The following IKZF3 variants were observed in gnomAD, a reference collection of about 807,000 sequenced individuals.
The protein encoded by IKZF3 is IKAROS family zinc finger 3, also known as zinc finger protein Aiolos.
A neutral mutation model predicts 49.0 loss-of-function variants in IKZF3; 10 were observed. The ratio of observed to expected loss-of-function variants is 0.20; its 90% confidence interval spans 0.13 to 0.35. The LOEUF (loss-of-function observed/expected upper bound fraction) is 0.35. Among genes scored for constraint, IKZF3 ranks in the 10% least tolerant of loss-of-function variants. The probability of loss-of-function intolerance (pLI) is 1.00; values close to 1 mark genes in which losing one functional copy is unlikely to be tolerated. For synonymous variants in IKZF3, 209 were observed against 228.2 expected, an observed-to-expected ratio of 0.92 and a Z score of 0.76; for missense variants, 498 against 664.8, an observed-to-expected ratio of 0.75 and a Z score of 2.76.
chr17:39,813,329 A>T (rs2061605242), intron 3 of IKZF3, among the ~76,000 whole-genome samples: 1 of 151,540 alleles, frequency 6.6e-6, no homozygotes, highest in Non-Finnish European at 1.5e-5. Flanking sequence ...AAGAAAAGAA[A>T]ATCCAGAGAT....
intron 1 of IKZF3, among the ~76,000 whole-genome samples, chr17:39,845,214 G>T (rs1457467863): frequency 6.6e-6 from 1 of 152,110 alleles, no homozygotes; most frequent in Non-Finnish European, 1.5e-5. Context: ...TCAAATTGCA[G>T]TGTTCATCAA....
At chr17:39,839,708 G>A (rs376361669) in intron 1 of IKZF3, among the ~76,000 whole-genome samples, 18 of 151,998 alleles carry the variant, frequency 1.2e-4, no homozygotes, top group Non-Finnish European at 1.3e-4. Context: ...CTGAGTAGCC[G>A]GGACTATAGG....
chr17:39,808,829 A>T (rs2061490168), intron 3 of IKZF3, among the ~76,000 whole-genome samples: 1 of 152,242 alleles, frequency 6.6e-6, no homozygotes, highest in Non-Finnish European at 1.5e-5. Flanking sequence ...TGCAAGAGAG[A>T]GTTCTGGGCT....
At chr17:39,824,519 G>T (rs1272747895) in intron 3 of IKZF3, among the ~76,000 whole-genome samples, 1 of 152,078 alleles carries the variant, frequency 6.6e-6, no homozygotes, top group East Asian at 1.9e-4. Context: ...AGGGCAGAAT[G>T]ATATGGTTTA....
intron 1 of IKZF3, among the ~76,000 whole-genome samples, chr17:39,843,643 T>C (rs941081854): frequency 2.6e-5 from 4 of 152,112 alleles, no homozygotes; most frequent in Non-Finnish European, 5.9e-5. Flanking sequence ...GTACTGTAAA[T>C]AGCACCAGAA....
intron 1 of IKZF3, among the ~76,000 whole-genome samples, chr17:39,849,531 C>A (rs536347760): frequency 6.6e-6 from 1 of 152,042 alleles, no homozygotes; most frequent in African/African-American, 2.4e-5. Context: ...GGGCGGTAGT[C>A]ACCTGTAATC....
intron 6 of IKZF3, among the ~76,000 whole-genome samples, chr17:39,787,776 C>A (rs1388337033): frequency 6.6e-6 from 1 of 152,242 alleles, no homozygotes; most frequent in Non-Finnish European, 1.5e-5. Context: ...GATGTCACCT[C>A]TTTGTACAAA....
chr17:39,820,027 C>T (rs973743988), intron 3 of IKZF3, among the ~76,000 whole-genome samples: 2 of 152,118 alleles, frequency 1.3e-5, no homozygotes, highest in South Asian at 4.1e-4. Context: ...TATAACTGAC[C>T]TAGGGCTTTC....
intron 5 of IKZF3, among the ~76,000 whole-genome samples, chr17:39,789,340 G>A (rs984753073): frequency 6.6e-6 from 1 of 152,088 alleles, no homozygotes; most frequent in Non-Finnish European, 1.5e-5. Context: ...CGAGGCAGGC[G>A]GATCACGAGG....
chr17:39,835,702 GC>G (rs1598157809), intron 1 of IKZF3: 5 of 480,004 alleles, frequency 1.0e-5, no homozygotes, highest in South Asian at 4.8e-5. Context: ...TGGGACTGGA[GC>G]TCCCAGATCT....
intron 1 of IKZF3, among the ~76,000 whole-genome samples, chr17:39,848,534 G>A (rs1362453565): frequency 6.6e-6 from 1 of 152,270 alleles, no homozygotes; most frequent in East Asian, 1.9e-4. Flanking sequence ...ACTGTAAAAT[G>A]CCTAGTTTTA....
chr17:39,826,863 GT>G (rs760631843), intron 3 of IKZF3, among the ~76,000 whole-genome samples: 9 of 152,224 alleles, frequency 5.9e-5, no homozygotes, highest in Non-Finnish European at 1.2e-4. Context: ...AAACTATTAT[GT>G]CTGCCAATAA....
intron 1 of IKZF3, among the ~76,000 whole-genome samples, chr17:39,859,124 T>C (rs906428527): frequency 6.6e-6 from 1 of 151,696 alleles, no homozygotes; most frequent in East Asian, 1.9e-4. Context: ...ATTTTTTAAG[T>C]AACTTTTTAA....
Position 39,788,379 on chromosome 17 carries a change from AAGG to A in IKZF3, c.593-8_593-6del, listed in dbSNP as rs563053978. ...CACATTTGTAGGGTTTCTCCACTAG[AAGG>A]AGAACATAAGGGGCACTCAGTGACC... On this transcript the variant is annotated splice_region_variant and splice_polypyrimidine_tract_variant and intron_variant, in intron 5 of 7. Transcript: ENST00000346872. 2.5e-6 allele frequency: 4 copies of A among 1,597,398 alleles called. No individual in the cohort carries two copies. Among genetic ancestry groups the A allele is most frequent in the Non-Finnish European group, 3.4e-6 (4 of 1,165,176 alleles).
In IKZF3 at chr17:39,760,688, T is replaced by C. The variant is rs1567942096; in HGVS notation, c.*5102A>G. 1 of 152,142 alleles carries C rather than the reference T, an allele frequency of 6.6e-6. No individual in the cohort carries two copies. Among genetic ancestry groups the C allele is most frequent in the African/African-American group, 2.4e-5 (1 of 41,418 alleles). The allele number at this position is 152,142 out of a possible 1,614,324, so 9.4% of individuals were successfully genotyped here. A position where few individuals can be genotyped will look rare whatever the true frequency, so the allele number is the denominator to read the frequency against. On this transcript the variant is annotated 3_prime_UTR_variant, in exon 8 of 8. Coordinates refer to ENST00000346872, the MANE Select transcript of IKZF3 (RefSeq NM_012481.5). Reference sequence around the variant, plus strand: ...GGGGAGGTGGGGGTGGTACAGGAAATAGGAGAATAATAGTGATACAGATGC... The same window carrying C: ...GGGGAGGTGGGGGTGGTACAGGAAACAGGAGAATAATAGTGATACAGATGC...
Position 39,789,525 on chromosome 17 carries a change from T to C in IKZF3, c.593-1151A>G, listed in dbSNP as rs189003024. On this transcript the variant is annotated intron_variant, in intron 5 of 7. Coordinates refer to ENST00000346872, the MANE Select transcript of IKZF3 (RefSeq NM_012481.5). Reference sequence around the variant, plus strand: ...TTGCAGTGGGCTGAGATTGCACCACTGCATCCCAGCCTGGGCGGCAGAGTG... The same window carrying C: ...TTGCAGTGGGCTGAGATTGCACCACCGCATCCCAGCCTGGGCGGCAGAGTG... Among the ~76,000 whole-genome samples the C allele has an allele frequency of 3.9e-5, 6 of 152,008 alleles. No homozygotes were observed. The East Asian group carries it at 1.2e-3, about 30-fold the overall frequency.
At chr17:39,837,122 C>T (rs185642185) in intron 1 of IKZF3, among the ~76,000 whole-genome samples, 39 of 151,520 alleles carry the variant, frequency 2.6e-4, no homozygotes, top group African/African-American at 6.5e-4. Context: ...TTTGTAGGGA[C>T]GGGGGTCTCA....
chr17:39,783,443 T>C (rs1184846844), intron 6 of IKZF3, among the ~76,000 whole-genome samples: 1 of 152,144 alleles, frequency 6.6e-6, no homozygotes, highest in Non-Finnish European at 1.5e-5. Context: ...TGCCTCAGCC[T>C]CCTGAGTAGC....
chr17:39,815,035 G>T (rs1382294097), intron 3 of IKZF3, among the ~76,000 whole-genome samples: 1 of 152,156 alleles, frequency 6.6e-6, no homozygotes, highest in Non-Finnish European at 1.5e-5. Context: ...GATGATGGGG[G>T]CTGCTGAAAA....
Sources: allele counts gnomAD v4.1 joint callset (sites outside exome capture counted in the v4.1 genomes callset), GRCh38; gene constraint gnomAD v4.1.1; transcripts MANE v1.5; gene names NCBI Gene and HGNC (gene_info 2026-07-23, HGNC 2026-07-21).